ACBD6: variants seen among roughly 807,000 people sequenced by gnomAD.
ACBD6 encodes the protein acyl-CoA-binding domain-containing protein 6.
In ACBD6, 28 loss-of-function variants were observed where a neutral mutation model predicts 37.2. The observed-to-expected ratio is 0.75, with a 90% CI of 0.56 to 1.03. The LOEUF (loss-of-function observed/expected upper bound fraction) is 1.03. Ranked by LOEUF, ACBD6 falls within the 50% of genes least tolerant of loss-of-function variation. The pLI is 0.00. For synonymous variants in ACBD6, 113 were observed against 126.8 expected (o/e 0.89, Z 0.73); for missense variants, 340 against 337.4 (o/e 1.01, Z -0.06).
intron 7 of ACBD6, among the ~76,000 whole-genome samples, chr1:180,289,105 A>C (rs1356772390): frequency 1.3e-5 from 2 of 152,076 alleles, no homozygotes; most frequent in Non-Finnish European, 2.9e-5. Flanking sequence ...GAAGGGGAAA[A>C]AAGGGCGTAG....
At chr1:180,349,864 A>T (rs1299308475) in intron 6 of ACBD6, among the ~76,000 whole-genome samples, 2 of 151,944 alleles carry the variant, frequency 1.3e-5, no homozygotes, top group African/African-American at 4.8e-5. Context: ...TTTTTTTCTC[A>T]AGTCTTGAAA....
At chr1:180,474,475 T>C (rs942266822) in intron 3 of ACBD6, among the ~76,000 whole-genome samples, 2 of 151,780 alleles carry the variant, frequency 1.3e-5, no homozygotes, top group Admixed American at 1.3e-4. Flanking sequence ...TCTTCTAAAA[T>C]GTGTAATGTC....
chr1:180,488,880 C>T (rs930603695), intron 3 of ACBD6, among the ~76,000 whole-genome samples: 3 of 152,284 alleles, frequency 2.0e-5, no homozygotes, highest in South Asian at 2.1e-4. Context: ...CACACCTGGC[C>T]TTAGCTGGCT....
chr1:180,312,822 A>T (rs1427508979), intron 7 of ACBD6, among the ~76,000 whole-genome samples: 3 of 152,222 alleles, frequency 2.0e-5, no homozygotes, highest in African/African-American at 4.8e-5. Context: ...TTAACTCATT[A>T]TAACAAATCT....
At chr1:180,376,834 C>T (rs1373416346) in intron 6 of ACBD6, among the ~76,000 whole-genome samples, 1 of 151,924 alleles carries the variant, frequency 6.6e-6, no homozygotes, top group African/African-American at 2.4e-5. Context: ...TTCAGATACC[C>T]CCCAAATAAA....
At chr1:180,327,901 C>T (rs947783384) in intron 6 of ACBD6, among the ~76,000 whole-genome samples, 7 of 152,184 alleles carry the variant, frequency 4.6e-5, no homozygotes, top group African/African-American at 1.7e-4. Flanking sequence ...ATGTACTCTG[C>T]AGCAATTCTT....
intron 6 of ACBD6, among the ~76,000 whole-genome samples, chr1:180,355,661 T>A (rs1350346868): frequency 6.6e-6 from 1 of 152,174 alleles, no homozygotes; most frequent in South Asian, 2.1e-4. Flanking sequence ...AGTAATGAAC[T>A]CTATCCAGGC....
intron 6 of ACBD6, among the ~76,000 whole-genome samples, chr1:180,395,173 C>T (rs574890616): frequency 1.3e-5 from 2 of 152,196 alleles, no homozygotes; most frequent in East Asian, 3.9e-4. Flanking sequence ...ATACATTCTC[C>T]TGGGAACTGG....
intron 7 of ACBD6, among the ~76,000 whole-genome samples, chr1:180,294,046 C>T (rs1649819259): frequency 6.6e-6 from 1 of 151,992 alleles, no homozygotes; most frequent in South Asian, 2.1e-4. Flanking sequence ...AGGTGCGCAC[C>T]ACCACATCTG....
intron 3 of ACBD6, 26 bp from the exon 4 acceptor site, chr1:180,430,288 A>G: frequency 6.4e-7 from 1 of 1,569,962 alleles, no homozygotes; most frequent in Non-Finnish European, 8.8e-7. Flanking sequence ...AAAAAAGTGA[A>G]AAAAAGACAA....
Position 180,386,187 on chromosome 1 carries a change from C to T in ACBD6, c.663+11329G>A, listed in dbSNP as rs557230608. On this transcript the variant is annotated intron_variant, in intron 6 of 7. Coordinates refer to ENST00000367595, the MANE Select transcript of ACBD6 (RefSeq NM_032360.4). ...ACTGTCTCAAAAAACAAACAAAAACCGCATTCAGTAGTTAAGCTATGAGAT... is the reference window on the plus strand; with the variant it reads ...ACTGTCTCAAAAAACAAACAAAAACTGCATTCAGTAGTTAAGCTATGAGAT... Among the ~76,000 whole-genome samples the T allele has an allele frequency of 8.5e-5, 13 of 152,110 alleles. No individual in the cohort carries two copies. The South Asian group carries it at 2.3e-3, about 27-fold the overall frequency.
intron 6 of ACBD6, among the ~76,000 whole-genome samples, chr1:180,316,336 G>GCACACA (rs147480605): frequency 0.013 from 1,992 of 149,366 alleles, 40 homozygotes; most frequent in African/African-American, 0.041. Context: ...GCGTGAGTGC[G>GCACACA]CACACACACA....
chr1:180,277,685 C>G (rs1426674815), intron 9 of ACBD6: 1 of 152,162 alleles, frequency 6.6e-6, no homozygotes, highest in Non-Finnish European at 1.5e-5. Flanking sequence ...TGCTATGCAA[C>G]CTCAGGCAAA....
chr1:180,487,768 GA>G (rs886675950), intron 3 of ACBD6, among the ~76,000 whole-genome samples: 7 of 150,806 alleles, frequency 4.6e-5, no homozygotes, highest in African/African-American at 1.7e-4. Flanking sequence ...AAATTGTGAA[GA>G]AAAAAAAACT....
At chr1:180,274,475 G>A (rs758824211) in intron 10 of ACBD6, 1 of 1,614,008 alleles carries the variant, frequency 6.2e-7, no homozygotes, top group Non-Finnish European at 8.5e-7. Flanking sequence ...AGCCATGGCT[G>A]GGGGACCCAC....
intron 4 of ACBD6, among the ~76,000 whole-genome samples, chr1:180,413,770 G>C (rs1647961913): frequency 6.6e-6 from 1 of 151,966 alleles, no homozygotes; most frequent in East Asian, 1.9e-4. Flanking sequence ...AAAGAGGGGG[G>C]CATTAAAAAA....
chr1:180,277,920 G>A (rs1326248450), intron 9 of ACBD6: 1 of 151,952 alleles, frequency 6.6e-6, no homozygotes, highest in African/African-American at 2.4e-5. Flanking sequence ...AAGATAATTG[G>A]GCCATTAGAT....
chr1:180,417,253 G>T (rs1170367633), intron 4 of ACBD6, among the ~76,000 whole-genome samples: 2 of 152,070 alleles, frequency 1.3e-5, no homozygotes, highest in African/African-American at 4.8e-5. Flanking sequence ...GGTTCCTGTG[G>T]CAAATATTTC....
intron 6 of ACBD6, among the ~76,000 whole-genome samples, chr1:180,339,026 AAAC>A (rs1409170367): frequency 1.3e-5 from 2 of 152,328 alleles, no homozygotes; most frequent in African/African-American, 2.4e-5. Context: ...AAAAGTCAGG[AAAC>A]AACAGGTGCT....
Sources: gnomAD v4.1 joint callset for allele counts (sites outside exome capture counted in the v4.1 genomes callset) on GRCh38, gnomAD v4.1.1 for gene constraint, MANE v1.5 for transcripts, NCBI Gene and HGNC (gene_info 2026-07-23, HGNC 2026-07-21) for gene names.